DCDC2C: variants seen among roughly 807,000 people sequenced by gnomAD.
DCDC2C encodes doublecortin domain containing 2C.
Under a neutral mutation model 45.0 loss-of-function variants are expected in DCDC2C, and 44 were observed. That is an observed-to-expected ratio of 0.98 (90% CI 0.77 to 1.26). The LOEUF (loss-of-function observed/expected upper bound fraction) is 1.26, where lower values mean the gene tolerates loss of function less well. DCDC2C is among the 50% of genes most tolerant of loss of function. The pLI, the probability that DCDC2C is intolerant of heterozygous loss-of-function variation, is 0.00. For synonymous variants in DCDC2C, 187 were observed against 178.8 expected, an observed-to-expected ratio of 1.05 and a Z score of -0.37; for missense variants, 447 against 468.9, an observed-to-expected ratio of 0.95 and a Z score of 0.43.
intron 10 of DCDC2C, among the ~76,000 whole-genome samples, chr2:3,792,324 C>T (rs1047883714): frequency 1.3e-5 from 2 of 152,210 alleles, no homozygotes; most frequent in African/African-American, 4.8e-5. Context: ...TCTGGGGCTT[C>T]AGATTCCATT....
chr2:3,787,545 C>A (rs563867031), intron 10 of DCDC2C, among the ~76,000 whole-genome samples: 1 of 152,320 alleles, frequency 6.6e-6, no homozygotes, highest in Non-Finnish European at 1.5e-5. Flanking sequence ...CAGCATCGGG[C>A]ATGCACAATG....
At chr2:3,750,432 G>C (rs1481089572) in intron 4 of DCDC2C, among the ~76,000 whole-genome samples, 2 of 152,012 alleles carry the variant, frequency 1.3e-5, no homozygotes, top group African/African-American at 4.8e-5. Context: ...AATTTTCTTG[G>C]CGTGGGTGTC....
intron 10 of DCDC2C, among the ~76,000 whole-genome samples, chr2:3,808,400 C>CT (rs35580797): frequency 1.4e-3 from 206 of 148,374 alleles, no homozygotes; most frequent in Admixed American, 2.4e-3. Flanking sequence ...TTTGAAAATT[C>CT]TTTTTTTTTT....
chr2:3,742,294 T>C (rs1669239838), intron 4 of DCDC2C, among the ~76,000 whole-genome samples: 1 of 152,144 alleles, frequency 6.6e-6, no homozygotes, highest in Non-Finnish European at 1.5e-5. Flanking sequence ...GAATACAGCA[T>C]TGCAAAAAAG....
At chr2:3,728,976 G>A (rs1437425324) in intron 3 of DCDC2C, among the ~76,000 whole-genome samples, 1 of 152,194 alleles carries the variant, frequency 6.6e-6, no homozygotes, top group African/African-American at 2.4e-5. Context: ...CCTGGTTCTG[G>A]CACTGATTGA....
chr2:3,731,739 A>G (rs1668874223), intron 3 of DCDC2C, among the ~76,000 whole-genome samples: 1 of 152,150 alleles, frequency 6.6e-6, no homozygotes, highest in Non-Finnish European at 1.5e-5. Flanking sequence ...CTACAGGGAC[A>G]TGGAGGATTC....
At chr2:3,825,242 C>A (rs1279692900) in intron 10 of DCDC2C, among the ~76,000 whole-genome samples, 1 of 152,218 alleles carries the variant, frequency 6.6e-6, no homozygotes, top group Admixed American at 6.5e-5. Flanking sequence ...CCTGCAGCTT[C>A]TGCAGTCACC....
chr2:3,778,937 T>TCACG, intron 9 of DCDC2C, 53 bp downstream of exon 9: 1 of 1,493,218 alleles, frequency 6.7e-7, no homozygotes, highest in Non-Finnish European at 9.1e-7. Context: ...CACCTGACAC[T>TCACG]TTGAACAGAG....
At chr2:3,767,940 G>T (rs923660686) in intron 7 of DCDC2C, 60 bp downstream of exon 7, 2 of 1,337,362 alleles carry the variant, frequency 1.5e-6, no homozygotes, top group Non-Finnish European at 1.9e-6. Flanking sequence ...TGAGAACATG[G>T]GATTTTTTTT....
intron 6 of DCDC2C, among the ~76,000 whole-genome samples, chr2:3,763,122 G>A (rs373826917): frequency 1.1e-3 from 171 of 152,232 alleles, no homozygotes; most frequent in African/African-American, 3.7e-3. Flanking sequence ...ATGCCCAACC[G>A]CTGCCAGTGT....
intron 10 of DCDC2C, among the ~76,000 whole-genome samples, chr2:3,815,219 G>T (rs1671524497): frequency 6.6e-6 from 1 of 152,246 alleles, no homozygotes; most frequent in Admixed American, 6.5e-5. Context: ...CATGGAAAAA[G>T]CACGGTTTCC....
At chr2:3,830,246 A>G (rs947109698) in intron 10 of DCDC2C, among the ~76,000 whole-genome samples, 1 of 151,878 alleles carries the variant, frequency 6.6e-6, no homozygotes. Context: ...GTAGGTGACA[A>G]CCTAGCCACT....
intron 1 of DCDC2C, among the ~76,000 whole-genome samples, chr2:3,705,928 A>G (rs536112324): frequency 6.6e-6 from 1 of 152,230 alleles, no homozygotes; most frequent in East Asian, 1.9e-4. Context: ...TGCATTATCT[A>G]TTATCCATGC....
chr2:3,771,443 C>T (rs1013507128), intron 8 of DCDC2C, among the ~76,000 whole-genome samples: 8 of 152,234 alleles, frequency 5.3e-5, no homozygotes, highest in Admixed American at 1.3e-4. Context: ...AAAATGCACA[C>T]GTGGGAGGCG....
intron 3 of DCDC2C, among the ~76,000 whole-genome samples, chr2:3,731,054 T>C (rs1668853120): frequency 6.6e-6 from 1 of 152,236 alleles, no homozygotes; most frequent in Non-Finnish European, 1.5e-5. Flanking sequence ...TACAAAGTTC[T>C]GACACTTCTG....
At chr2:3,797,180 A>G (rs1670981091) in intron 10 of DCDC2C, among the ~76,000 whole-genome samples, 1 of 152,150 alleles carries the variant, frequency 6.6e-6, no homozygotes, top group South Asian at 2.1e-4. Context: ...GTATTCTCTG[A>G]TGGTAGTTTG....
chr2:3,742,040 C>A lies in DCDC2C; in HGVS notation c.537C>A (p.Gly179=). The A allele has an allele frequency of 6.5e-7, 1 of 1,540,422 alleles. No individual in the cohort carries two copies. Among genetic ancestry groups the A allele is most frequent in the South Asian group, 1.2e-5 (1 of 81,084 alleles). The change falls in exon 4 of 11, where the codon GGC becomes GGA. Residue 179 remains glycine (G), a synonymous_variant. Coordinates refer to ENST00000399143, the MANE Select transcript of DCDC2C (RefSeq NM_001287444.2). ...GAGAAAAAGTCTTCCCTCTAGGAGG[C>A]GTTCGGAAGTAAGGAGACTCTCGCC... The part of the protein sequence containing the change: ...TIGEKVFPLG[G]VRKLFTMNGH...
intron 10 of DCDC2C, among the ~76,000 whole-genome samples, chr2:3,837,621 G>GATACAGTACC (rs1356938471): frequency 1.9e-5 from 2 of 103,140 alleles, no homozygotes; most frequent in African/African-American, 3.2e-5. Flanking sequence ...AGAAACTGAG[G>GATACAGTACC]AAGAAATCAG....
At chr2:3,764,880 G>A (rs1273095471) in intron 6 of DCDC2C, among the ~76,000 whole-genome samples, 1 of 152,120 alleles carries the variant, frequency 6.6e-6, no homozygotes, top group East Asian at 1.9e-4. Flanking sequence ...ACATTTTTGG[G>A]ACAATTACAA....
Sources: allele counts gnomAD v4.1 joint callset (sites outside exome capture counted in the v4.1 genomes callset), GRCh38; gene constraint gnomAD v4.1.1; transcripts MANE v1.5; gene names NCBI Gene and HGNC (gene_info 2026-07-23, HGNC 2026-07-21).